The following KIAA1958 variants were observed in gnomAD, a reference collection of about 807,000 sequenced individuals.
KIAA1958 encodes the protein KIAA1958, also known as uncharacterized protein KIAA1958.
A neutral mutation model predicts 47.2 loss-of-function variants in KIAA1958; 14 were observed. The ratio of observed to expected loss-of-function variants is 0.30; its 90% confidence interval spans 0.20 to 0.46. The LOEUF (loss-of-function observed/expected upper bound fraction) is 0.46, where lower values mean the gene tolerates loss of function less well. Ranked by LOEUF, KIAA1958 falls within the 20% of genes least tolerant of loss-of-function variation. The probability of loss-of-function intolerance (pLI) is 1.00; values close to 1 mark genes in which losing one functional copy is unlikely to be tolerated. For missense variants in KIAA1958, 803 were observed against 909.2 expected (o/e 0.88, Z 1.50); for synonymous variants, 354 against 353.3 (o/e 1.00, Z -0.02).
rs1399978432 is a variant in KIAA1958, at chr9:112,651,391, A to G, written c.1344+5569A>G. Among the ~76,000 whole-genome samples, 10 of 131,614 alleles carry G rather than the reference A, an allele frequency of 7.6e-5. No individual in the cohort carries two copies. In the East Asian group the frequency reaches 1.8e-3, roughly 24 times the overall value. The allele number at this position is 131,614 out of a possible 152,430, so 86.3% of individuals were successfully genotyped here. ...ATATTTTTTATATTTCTCTATATAT[A>G]TACATATTTTTTTTTTTTTCGGAGA... On this transcript the variant is annotated intron_variant, in intron 3 of 3. Coordinates refer to ENST00000337530, the MANE Select transcript of KIAA1958 (RefSeq NM_133465.4).
intron 1 of KIAA1958, among the ~76,000 whole-genome samples, chr9:112,508,412 A>G (rs889404869): frequency 8.5e-5 from 13 of 152,366 alleles, no homozygotes; most frequent in African/African-American, 1.9e-4. Context: ...TTCTATTTCT[A>G]AGGGAATAAA....
chr9:112,604,283 C>A (rs1836187084), intron 2 of KIAA1958, among the ~76,000 whole-genome samples: 1 of 152,162 alleles, frequency 6.6e-6, no homozygotes. Context: ...AAAAACTTAA[C>A]TCAGGCTATC....
At chr9:112,520,280 A>C (rs1240666380) in intron 1 of KIAA1958, among the ~76,000 whole-genome samples, 1 of 152,276 alleles carries the variant, frequency 6.6e-6, no homozygotes, top group Non-Finnish European at 1.5e-5. Flanking sequence ...CACTACCTTC[A>C]GTTGTAGATA....
At chr9:112,569,562 C>T (rs1443683975) in intron 1 of KIAA1958, among the ~76,000 whole-genome samples, 1 of 152,048 alleles carries the variant, frequency 6.6e-6, no homozygotes, top group African/African-American at 2.4e-5. Flanking sequence ...CTGCCAAATG[C>T]ATTAGGCTGA....
At chr9:112,538,070 C>T (rs533806277) in intron 1 of KIAA1958, among the ~76,000 whole-genome samples, 1 of 152,198 alleles carries the variant, frequency 6.6e-6, no homozygotes, top group Non-Finnish European at 1.5e-5. Context: ...GTGGCTCACA[C>T]CCGTAATCCC....
Position 112,668,949 on chromosome 9 carries a change from A to G in KIAA1958, c.*8880A>G, listed in dbSNP as rs1837385211. 6.6e-6 allele frequency: 1 copy of G among 152,262 alleles called. No homozygotes were observed. Among genetic ancestry groups the G allele is most frequent in the Non-Finnish European group, 1.5e-5 (1 of 68,050 alleles). 9.4% of individuals were successfully genotyped at this position (152,262 alleles called of 1,614,324 possible). A position where few individuals can be genotyped will look rare whatever the true frequency, so the allele number is the denominator to read the frequency against. ...TCTATGGGGCTGTATTTTCCAAATA[A>G]TAGCAACAAAACTGTCCTAACGTTT... On this transcript the variant is annotated 3_prime_UTR_variant, in exon 4 of 4. Coordinates refer to ENST00000337530, the MANE Select transcript of KIAA1958 (RefSeq NM_133465.4).
At chr9:112,531,634 A>C (rs1399135173) in intron 1 of KIAA1958, among the ~76,000 whole-genome samples, 1 of 152,244 alleles carries the variant, frequency 6.6e-6, no homozygotes, top group Non-Finnish European at 1.5e-5. Flanking sequence ...CATTTTAGAT[A>C]CTGAAGGTTA....
chr9:112,628,825 A>C (rs889130201), intron 2 of KIAA1958, among the ~76,000 whole-genome samples: 2 of 152,124 alleles, frequency 1.3e-5, no homozygotes, highest in African/African-American at 4.8e-5. Context: ...TTTCTCCCAC[A>C]ATTTTAAATG....
chr9:112,622,286 G>A (rs1051890491), intron 2 of KIAA1958, among the ~76,000 whole-genome samples: 47 of 152,296 alleles, frequency 3.1e-4, no homozygotes, highest in African/African-American at 9.1e-4. Context: ...AGCCATATTT[G>A]CAGTGCTTAC....
intron 3 of KIAA1958, among the ~76,000 whole-genome samples, chr9:112,656,827 GTTCAGGTTATCTAGATT>G: frequency 6.6e-6 from 1 of 152,128 alleles, no homozygotes; most frequent in South Asian, 2.1e-4. Flanking sequence ...CTAGACAATT[GTTCAGGTTATCTAGATT>G]TTCATATTAA....
intron 3 of KIAA1958, among the ~76,000 whole-genome samples, chr9:112,648,839 A>G (rs997379891): frequency 6.6e-6 from 1 of 152,260 alleles, no homozygotes; most frequent in Non-Finnish European, 1.5e-5. Context: ...GCATCTAAAC[A>G]AAAATTATCA....
intron 2 of KIAA1958, chr9:112,617,773 C>T: frequency 3.2e-6 from 3 of 935,034 alleles, no homozygotes; most frequent in Non-Finnish European, 3.2e-6. Context: ...TCCTCCTTTC[C>T]CTTGTCATTA....
At chr9:112,536,617 A>G (rs1354651842) in intron 1 of KIAA1958, among the ~76,000 whole-genome samples, 1 of 152,084 alleles carries the variant, frequency 6.6e-6, no homozygotes, top group Non-Finnish European at 1.5e-5. Context: ...TTCATATGGG[A>G]AAAAAATAAA....
intron 1 of KIAA1958, among the ~76,000 whole-genome samples, chr9:112,527,787 A>G (rs1834683494): frequency 6.6e-6 from 1 of 151,874 alleles, no homozygotes; most frequent in Non-Finnish European, 1.5e-5. Context: ...AAATACAAAA[A>G]TTAGCCCGGC....
chr9:112,659,152 C>T, intron 3 of KIAA1958, 111 bp from the exon 4 acceptor site: 1 of 842,858 alleles, frequency 1.2e-6, no homozygotes, highest in East Asian at 2.4e-5. Context: ...TTGTGTCCTG[C>T]TAAGGGGTCA....
chr9:112,601,000 C>T (rs1405135489), intron 2 of KIAA1958, among the ~76,000 whole-genome samples: 6 of 152,186 alleles, frequency 3.9e-5, no homozygotes, highest in Non-Finnish European at 8.8e-5. Flanking sequence ...TCACATAGCT[C>T]ATTAAGTGGC....
In KIAA1958 at chr9:112,634,547, A is replaced by G. The variant is rs551329664; in HGVS notation, c.1172-11103A>G. ...CGACTGGCCGTTTTGTCCATTTTTAATTGGACTATCTCCCTTCTAAATGAT... is the reference window on the plus strand; with the variant it reads ...CGACTGGCCGTTTTGTCCATTTTTAGTTGGACTATCTCCCTTCTAAATGAT... On this transcript the variant is annotated intron_variant, in intron 2 of 3. Coordinates refer to ENST00000337530, the MANE Select transcript of KIAA1958 (RefSeq NM_133465.4). Among the ~76,000 whole-genome samples, 337 of 152,168 alleles carry G rather than the reference A, an allele frequency of 2.2e-3. 1 individual carries two copies. The highest frequency in any genetic ancestry group is 7.7e-3 in the African/African-American group (318 of 41,532).
Position 112,574,424 on chromosome 9 carries a change from G to A in KIAA1958, c.344G>A (p.Arg115Gln), listed in dbSNP as rs145813879. Residue 115 changes from arginine (R) to glutamine (Q), a missense_variant, in exon 2 of 4, where the codon CGG (arginine) becomes CAG (glutamine). Physicochemically the swap from Arg to Gln is conservative, Grantham distance 43. Transcript: ENST00000337530. Reference sequence around the variant, plus strand: ...GTGAAAGCAAAGCTAGACTGTAACCGGACCAGAGACTCTTGTGACTTCTCC... The same window carrying A: ...GTGAAAGCAAAGCTAGACTGTAACCAGACCAGAGACTCTTGTGACTTCTCC... ...RPVKAKLDCNRTRDSCDFSYC... is the reference protein window; with the variant it reads ...RPVKAKLDCNQTRDSCDFSYC... 1.6e-5 allele frequency: 26 copies of A among 1,613,908 alleles called. No homozygotes were observed. In the East Asian group the frequency reaches 2.7e-4, roughly 17 times the overall value.
intron 1 of KIAA1958, among the ~76,000 whole-genome samples, chr9:112,538,551 G>A (rs1834892214): frequency 6.6e-6 from 1 of 152,100 alleles, no homozygotes; most frequent in Non-Finnish European, 1.5e-5. Flanking sequence ...TCAGGTTAGA[G>A]GCACTAAATG....
Sources: allele counts gnomAD v4.1 joint callset (sites outside exome capture counted in the v4.1 genomes callset), GRCh38; gene constraint gnomAD v4.1.1; transcripts MANE v1.5; gene names NCBI Gene and HGNC (gene_info 2026-07-23, HGNC 2026-07-21).